Variants in OTUD7A observed in about 807,000 individuals in gnomAD.
OTUD7A encodes OTU domain-containing protein 7A.
OTUD7A carries 12 observed loss-of-function variants against 65.7 expected under a neutral mutation model. The ratio of observed to expected loss-of-function variants is 0.18; its 90% CI spans 0.12 to 0.30. The LOEUF is 0.30. OTUD7A is among the 10% of genes least tolerant of loss of function. The pLI, the probability that OTUD7A is intolerant of heterozygous loss-of-function variation, is 1.00. For missense variants in OTUD7A, 1,148 were observed against 1,304.8 expected, an observed-to-expected ratio of 0.88 and a Z score of 1.85; for synonymous variants, 641 against 586.3, an observed-to-expected ratio of 1.09 and a Z score of -1.35.
At chr15:31,569,888 G>T in intron 4 of OTUD7A, 130 bp downstream of exon 4, 2 of 901,702 alleles carry the variant, frequency 2.2e-6, no homozygotes, top group Non-Finnish European at 3.3e-6. Context: ...GAGAAAGAAG[G>T]CACTGAGAGG....
At chr15:31,685,195 C>T (rs4094380) in intron 1 of OTUD7A, among the ~76,000 whole-genome samples, 2 of 152,252 alleles carry the variant, frequency 1.3e-5, no homozygotes, top group Non-Finnish European at 2.9e-5. Context: ...AAGAGGTTTA[C>T]AGCCCTGTGA....
intron 1 of OTUD7A, among the ~76,000 whole-genome samples, chr15:31,849,154 A>G (rs1275514544): frequency 6.6e-6 from 1 of 152,176 alleles, no homozygotes; most frequent in East Asian, 1.9e-4. Context: ...TTTGAACTAC[A>G]CTACAAGGCT....
rs564869850 is a variant in OTUD7A, at chr15:31,518,404, T to C, written c.893+7945A>G. On this transcript the variant is annotated intron_variant, in intron 8 of 12. Transcript: ENST00000307050. ...AGGATCATCGCTTGAACCCAGGAGGTGGAGGTTGCAGTGAGCCGAGATCGC... is the reference window on the plus strand; with the variant it reads ...AGGATCATCGCTTGAACCCAGGAGGCGGAGGTTGCAGTGAGCCGAGATCGC... 4.6e-4 allele frequency among the ~76,000 whole-genome samples: 69 copies of C among 151,092 alleles called. 1 individual carries two copies. The South Asian group carries it at 0.012, about 25-fold the overall frequency.
At chr15:31,766,348 G>C (rs117120358) in intron 1 of OTUD7A, 1 of 1,594,122 alleles carries the variant, frequency 6.3e-7, no homozygotes, top group Non-Finnish European at 8.6e-7. Flanking sequence ...CTATGATTTG[G>C]TGGGGGAAAT....
intron 8 of OTUD7A, among the ~76,000 whole-genome samples, chr15:31,522,133 G>T (rs533553853): frequency 8.5e-5 from 13 of 152,196 alleles, no homozygotes; most frequent in African/African-American, 1.7e-4. Context: ...GTGATGGTTA[G>T]ATAGCTGGTT....
chr15:31,655,981 C>T (rs1005246464), intron 2 of OTUD7A, among the ~76,000 whole-genome samples: 1 of 152,154 alleles, frequency 6.6e-6, no homozygotes, highest in African/African-American at 2.4e-5. Context: ...TCACCCCTTA[C>T]TTGGCTATTA....
intron 3 of OTUD7A, among the ~76,000 whole-genome samples, chr15:31,641,465 AT>A (rs1891514465): frequency 6.6e-6 from 1 of 152,178 alleles, no homozygotes; most frequent in African/African-American, 2.4e-5. Context: ...CAACTTGTTA[AT>A]TTCTACATAA....
chr15:31,538,518 T>C (rs1887878633), intron 5 of OTUD7A, among the ~76,000 whole-genome samples: 1 of 152,130 alleles, frequency 6.6e-6, no homozygotes, highest in African/African-American at 2.4e-5. Context: ...GTAAGTAAAC[T>C]TGCCCACGAT....
At chr15:31,658,745 T>A (rs1306272396) in intron 1 of OTUD7A, among the ~76,000 whole-genome samples, 1 of 151,910 alleles carries the variant, frequency 6.6e-6, no homozygotes, top group Non-Finnish European at 1.5e-5. Context: ...ACTTCTGTTT[T>A]GGCCAGGTGC....
intron 3 of OTUD7A, among the ~76,000 whole-genome samples, chr15:31,579,707 T>C (rs1889313942): frequency 6.6e-6 from 1 of 151,586 alleles, no homozygotes; most frequent in Non-Finnish European, 1.5e-5. Context: ...TGTGTATGTA[T>C]ATATGTATAT....
chr15:31,677,360 C>T (rs1448640425), intron 1 of OTUD7A, among the ~76,000 whole-genome samples: 2 of 151,962 alleles, frequency 1.3e-5, no homozygotes, highest in African/African-American at 2.4e-5. Flanking sequence ...TTTAGCCAGC[C>T]CTAACTAATA....
At chr15:31,572,012 T>C (rs1052126182) in intron 3 of OTUD7A, among the ~76,000 whole-genome samples, 2 of 152,214 alleles carry the variant, frequency 1.3e-5, no homozygotes, top group East Asian at 3.8e-4. Flanking sequence ...TTGCTCTTCT[T>C]TTCTCTTAAT....
intron 9 of OTUD7A, among the ~76,000 whole-genome samples, chr15:31,502,467 T>C (rs1192587775): frequency 1.3e-5 from 2 of 152,210 alleles, no homozygotes; most frequent in Non-Finnish European, 2.9e-5. Flanking sequence ...GAAACGTCTT[T>C]ACTTTTGGCC....
At chr15:31,859,228 G>T (rs1208247259) in intron 1 of OTUD7A, among the ~76,000 whole-genome samples, 1 of 152,052 alleles carries the variant, frequency 6.6e-6, no homozygotes, top group Non-Finnish European at 1.5e-5. Flanking sequence ...AAAACTGTAT[G>T]TTTTTGTTGT....
intron 3 of OTUD7A, among the ~76,000 whole-genome samples, chr15:31,601,306 T>G (rs1890066531): frequency 6.6e-6 from 1 of 152,156 alleles, no homozygotes; most frequent in African/African-American, 2.4e-5. Context: ...ATTAAGAAAC[T>G]CACCCAAAAC....
At chr15:31,600,050 C>T (rs980033053) in intron 3 of OTUD7A, among the ~76,000 whole-genome samples, 2 of 152,098 alleles carry the variant, frequency 1.3e-5, no homozygotes, top group African/African-American at 4.8e-5. Context: ...AGAATGGAAC[C>T]AAGATGGAAA....
Position 31,863,112 on chromosome 15 carries a change from C to T in OTUD7A, c.-100+7395G>A, listed in dbSNP as rs186938881. ...CTCCATGTCTCACATCCAGGTCACG[C>T]TGATGCTAGAGATGGATGCCCGTGG... On this transcript the variant is annotated intron_variant, in intron 1 of 12. Coordinates refer to ENST00000307050, the MANE Select transcript of OTUD7A (RefSeq NM_001382637.1). 2.0e-5 allele frequency among the ~76,000 whole-genome samples: 3 copies of T among 152,352 alleles called. No individual in the cohort carries two copies. The East Asian group carries it at 5.8e-4, about 29-fold the overall frequency.
At chr15:31,643,239 C>T (rs1470606587) in intron 3 of OTUD7A, among the ~76,000 whole-genome samples, 2 of 152,252 alleles carry the variant, frequency 1.3e-5, no homozygotes, top group Non-Finnish European at 2.9e-5. Flanking sequence ...TCTGCTTCAA[C>T]CTCCCAAGTA....
At chr15:31,772,482 G>A (rs1895267672) in intron 1 of OTUD7A, among the ~76,000 whole-genome samples, 1 of 152,164 alleles carries the variant, frequency 6.6e-6, no homozygotes, top group South Asian at 2.1e-4. Context: ...CACTAAATCT[G>A]ACGATTCTCC....
Sources: gnomAD v4.1 joint callset for allele counts (sites outside exome capture counted in the v4.1 genomes callset) on GRCh38, gnomAD v4.1.1 for gene constraint, MANE v1.5 for transcripts, NCBI Gene and HGNC (gene_info 2026-07-23, HGNC 2026-07-21) for gene names.